SUGCT: variants seen among roughly 807,000 people sequenced by gnomAD.
SUGCT encodes the protein succinyl-CoA:glutarate CoA-transferase.
SUGCT carries 41 observed loss-of-function variants against 55.0 expected under a neutral mutation model. The ratio of observed to expected loss-of-function variants is 0.74; its 90% CI spans 0.58 to 0.97. The LOEUF (loss-of-function observed/expected upper bound fraction) is 0.97, where lower values mean the gene tolerates loss of function less well. SUGCT is among the 50% of genes least tolerant of loss of function. The pLI, the probability that SUGCT is intolerant of heterozygous loss-of-function variation, is 0.00. For synonymous variants in SUGCT, 187 were observed against 200.4 expected, an observed-to-expected ratio of 0.93 and a Z score of 0.56; for missense variants, 568 against 547.8, an observed-to-expected ratio of 1.04 and a Z score of -0.37.
intron 12 of SUGCT, among the ~76,000 whole-genome samples, chr7:40,707,097 A>ACC (rs2075218270): frequency 6.6e-6 from 1 of 152,188 alleles, no homozygotes; most frequent in Non-Finnish European, 1.5e-5. Context: ...CCCAAGGTAG[A>ACC]ACTGTTTGGA....
chr7:40,928,470 A>G, the SUGCT span, among the ~76,000 whole-genome samples: 6 of 152,074 alleles, frequency 3.9e-5, no homozygotes, highest in African/African-American at 1.2e-4. Context: ...ATTTCGATAA[A>G]TGTATTTTTC....
At chr7:40,986,168 A>G in the SUGCT span, among the ~76,000 whole-genome samples, 1 of 152,180 alleles carries the variant, frequency 6.6e-6, no homozygotes, top group Admixed American at 6.5e-5. Flanking sequence ...ACTATTTCTT[A>G]TTTGAAAGTT....
At chr7:40,215,041 T>C (rs1290187907) in intron 6 of SUGCT, among the ~76,000 whole-genome samples, 1 of 152,050 alleles carries the variant, frequency 6.6e-6, no homozygotes, top group Non-Finnish European at 1.5e-5. Context: ...ATGAGAGAAA[T>C]AACTGAGAAA....
chr7:40,149,832 T>C (rs1238135119), intron 1 of SUGCT, among the ~76,000 whole-genome samples: 2 of 152,126 alleles, frequency 1.3e-5, no homozygotes, highest in Non-Finnish European at 2.9e-5. Flanking sequence ...GGCAGGAGAA[T>C]TGCTTGAACT....
downstream of SUGCT, among the ~76,000 whole-genome samples, chr7:40,863,401 A>G (rs1014400316): frequency 2.6e-5 from 4 of 152,088 alleles, no homozygotes; most frequent in Non-Finnish European, 5.9e-5. Flanking sequence ...CTTTTGTGCC[A>G]TGGGTTTGTC....
At chr7:40,301,721 T>A (rs1794552581) in intron 8 of SUGCT, among the ~76,000 whole-genome samples, 1 of 152,198 alleles carries the variant, frequency 6.6e-6, no homozygotes, top group African/African-American at 2.4e-5. Flanking sequence ...GTGCAGTGGA[T>A]CATACAAGTA....
the SUGCT span, among the ~76,000 whole-genome samples, chr7:40,983,537 G>A: frequency 6.6e-6 from 1 of 152,188 alleles, no homozygotes; most frequent in African/African-American, 2.4e-5. Context: ...CTCACTTAGT[G>A]AGACTGGACA....
the SUGCT span, among the ~76,000 whole-genome samples, chr7:40,866,873 C>T: frequency 3.3e-5 from 5 of 151,888 alleles, no homozygotes; most frequent in South Asian, 8.4e-4. Flanking sequence ...GATCCAAACT[C>T]GATGTTTTAT....
the SUGCT span, among the ~76,000 whole-genome samples, chr7:40,972,062 A>G: frequency 9.9e-5 from 15 of 152,270 alleles, no homozygotes; most frequent in Middle Eastern, 0.01. Context: ...GAAATTTTAT[A>G]TATATATACA....
intron 12 of SUGCT, among the ~76,000 whole-genome samples, chr7:40,567,905 A>C (rs1796234346): frequency 6.6e-6 from 1 of 152,220 alleles, no homozygotes; most frequent in Non-Finnish European, 1.5e-5. Context: ...TGTTATGTGG[A>C]ATCTCTTATG....
chr7:40,357,352 C>G (rs1434711292), intron 9 of SUGCT, among the ~76,000 whole-genome samples: 2 of 152,144 alleles, frequency 1.3e-5, no homozygotes, highest in African/African-American at 4.8e-5. Context: ...CCAATGTATG[C>G]CAACATCTAG....
chr7:40,192,107 CAAAA>C (rs34662909), intron 5 of SUGCT, among the ~76,000 whole-genome samples: 6 of 61,358 alleles, frequency 9.8e-5, no homozygotes, highest in African/African-American at 4.4e-4. Flanking sequence ...GATTCCATCT[CAAAA>C]AAAAAAAAAA....
intron 12 of SUGCT, among the ~76,000 whole-genome samples, chr7:40,720,982 G>T (rs1374851322): frequency 1.3e-5 from 2 of 152,162 alleles, no homozygotes; most frequent in Admixed American, 6.5e-5. Flanking sequence ...AGCACATAAG[G>T]TTAATTTTTT....
intron 12 of SUGCT, among the ~76,000 whole-genome samples, chr7:40,740,287 G>A (rs983024806): frequency 1.3e-5 from 2 of 151,886 alleles, no homozygotes; most frequent in African/African-American, 4.8e-5. Context: ...TCATTTATTA[G>A]TCCTAAGAGT....
chr7:40,809,103 C>A (rs1791263092), intron 13 of SUGCT, among the ~76,000 whole-genome samples: 1 of 152,100 alleles, frequency 6.6e-6, no homozygotes, highest in Non-Finnish European at 1.5e-5. Flanking sequence ...AATTAACATA[C>A]CTGATTTTCA....
At chr7:41,026,187 G>T in the SUGCT span, among the ~76,000 whole-genome samples, 1 of 152,158 alleles carries the variant, frequency 6.6e-6, no homozygotes, top group Non-Finnish European at 1.5e-5. Context: ...TAATAACCCT[G>T]CATTTTCATT....
chr7:40,884,771 A>G, the SUGCT span, among the ~76,000 whole-genome samples: 1 of 152,178 alleles, frequency 6.6e-6, no homozygotes, highest in Non-Finnish European at 1.5e-5. Flanking sequence ...GTCACAAAGT[A>G]TGAATGAGCA....
chr7:40,280,576 C>T (rs1368977268), intron 8 of SUGCT, among the ~76,000 whole-genome samples: 1 of 152,120 alleles, frequency 6.6e-6, no homozygotes, highest in African/African-American at 2.4e-5. Flanking sequence ...CCATCCTTTA[C>T]TCACACATGT....
At chr7:40,695,455 C>T (rs961402170) in intron 12 of SUGCT, among the ~76,000 whole-genome samples, 8 of 152,048 alleles carry the variant, frequency 5.3e-5, no homozygotes, top group African/African-American at 1.9e-4. Flanking sequence ...GCCTCGGCCT[C>T]CCAAAGTGTT....
Sources: gnomAD v4.1 joint callset for allele counts (sites outside exome capture counted in the v4.1 genomes callset) on GRCh38, gnomAD v4.1.1 for gene constraint, MANE v1.5 for transcripts, NCBI Gene and HGNC (gene_info 2026-07-23, HGNC 2026-07-21) for gene names.